Variants in ZEB1 observed in about 807,000 individuals in gnomAD.
ZEB1 encodes zinc finger E-box-binding homeobox 1.
In ZEB1, 21 loss-of-function variants were observed where a neutral mutation model predicts 84.9. The ratio of observed to expected loss-of-function variants is 0.25; its 90% CI spans 0.18 to 0.36. ZEB1 has a LOEUF of 0.36. ZEB1 is among the 10% of genes least tolerant of loss of function. ZEB1 has a pLI of 1.00. For synonymous variants in ZEB1, 420 were observed against 471.1 expected, an observed-to-expected ratio of 0.89 and a Z score of 1.41; for missense variants, 1,104 against 1,330.2, an observed-to-expected ratio of 0.83 and a Z score of 2.65.
At chr10:31,337,257 G>A (rs1590062722) in intron 1 of ZEB1, among the ~76,000 whole-genome samples, 2 of 151,910 alleles carry the variant, frequency 1.3e-5, no homozygotes, top group East Asian at 1.9e-4. Context: ...ATTGTTTAAG[G>A]ATACCAATAC....
In ZEB1 at chr10:31,405,648, T is replaced by C. The variant is rs72639507; in HGVS notation, c.59-55389T>C. 0.014 allele frequency among the ~76,000 whole-genome samples: 2,099 copies of C among 152,220 alleles called. 114 individuals carry two copies. In the East Asian group the frequency reaches 0.18, roughly 13 times the overall value. ...CAGTCCTGTCAGTTTACTAGTTTTA[T>C]TTGATAGCTATCTAATACGCACCTG... On this transcript the variant is annotated intron_variant, in intron 1 of 8. Transcript: ENST00000424869.
chr10:31,350,116 A>G lies in ZEB1; in HGVS notation c.58+30824A>G, dbSNP rs545162983. 9.4e-4 allele frequency among the ~76,000 whole-genome samples: 143 copies of G among 152,208 alleles called. 2 individuals carry two copies. Among genetic ancestry groups the G allele is most frequent in the African/African-American group, 3.4e-3 (140 of 41,522 alleles). On this transcript the variant is annotated intron_variant, in intron 1 of 8. Coordinates refer to ENST00000424869, the MANE Select transcript of ZEB1 (RefSeq NM_001174096.2). ...CGTAAATGATGTGAGATGAGGGTCT[A>G]ATTTCATTCTTCTGCATGGGGACAT...
chr10:31,379,441 CTG>C (rs916980004), intron 1 of ZEB1, among the ~76,000 whole-genome samples: 15 of 151,676 alleles, frequency 9.9e-5, no homozygotes, highest in Admixed American at 5.9e-4. Flanking sequence ...GTCTCTCTCT[CTG>C]TGTGTGTATA....
At chr10:31,377,410 T>TAA (rs1424931487) in intron 1 of ZEB1, among the ~76,000 whole-genome samples, 4 of 151,756 alleles carry the variant, frequency 2.6e-5, no homozygotes, top group African/African-American at 9.7e-5. Flanking sequence ...ATGAACCTGT[T>TAA]ACAATTATGA....
intron 7 of ZEB1, among the ~76,000 whole-genome samples, chr10:31,523,702 T>C (rs1013445919): frequency 9.9e-5 from 15 of 152,248 alleles, no homozygotes; most frequent in African/African-American, 3.6e-4. Flanking sequence ...GTCTTTGCTA[T>C]GGTTTTGACT....
intron 2 of ZEB1, among the ~76,000 whole-genome samples, chr10:31,470,459 A>G (rs1464900234): frequency 5.3e-5 from 8 of 151,298 alleles, no homozygotes; most frequent in East Asian, 1.9e-4. Context: ...AAGAAAGGGT[A>G]TCAGCGATGG....
At position 31,461,857 on chromosome 10, in the gene ZEB1, A is replaced by G. The variant is rs977746919; in HGVS notation, c.259+620A>G. Reference sequence around the variant, plus strand: ...GAAATTGGACCTAGTCTTTTATTCTAGCTCTAAAATTTCTTCTTTCTACTT... The same window carrying G: ...GAAATTGGACCTAGTCTTTTATTCTGGCTCTAAAATTTCTTCTTTCTACTT... On this transcript the variant is annotated intron_variant, in intron 2 of 8. Coordinates refer to ENST00000424869, the MANE Select transcript of ZEB1 (RefSeq NM_001174096.2). Among the ~76,000 whole-genome samples, 4 of 152,128 alleles carry G rather than the reference A, an allele frequency of 2.6e-5. No individual in the cohort carries two copies. The East Asian group carries it at 7.7e-4, about 29-fold the overall frequency.
intron 4 of ZEB1, among the ~76,000 whole-genome samples, chr10:31,508,785 G>C (rs2069434338): frequency 6.6e-6 from 1 of 152,140 alleles, no homozygotes; most frequent in Admixed American, 6.5e-5. Flanking sequence ...GGTTGCTCTT[G>C]GTGGCAGCAG....
intron 5 of ZEB1, among the ~76,000 whole-genome samples, chr10:31,514,105 G>T (rs2070626347): frequency 6.6e-6 from 1 of 151,978 alleles, no homozygotes. Flanking sequence ...GTACATTTTG[G>T]AAATATCAAA....
At position 31,391,373 on chromosome 10, in the gene ZEB1, C is replaced by T. The variant is rs77029261; in HGVS notation, c.59-69664C>T. 2.8e-3 allele frequency among the ~76,000 whole-genome samples: 423 copies of T among 151,706 alleles called. 2 individuals carry two copies. Among genetic ancestry groups the T allele is most frequent in the African/African-American group, 9.6e-3 (396 of 41,340 alleles). Reference sequence around the variant, plus strand: ...CCTGAAAGGTCTCAAATATAGCTTTCGGTATATATTTTTCTTCCTCACTCT... The same window carrying T: ...CCTGAAAGGTCTCAAATATAGCTTTTGGTATATATTTTTCTTCCTCACTCT... On this transcript the variant is annotated intron_variant, in intron 1 of 8. Coordinates refer to ENST00000424869, the MANE Select transcript of ZEB1 (RefSeq NM_001174096.2).
At chr10:31,385,919 A>G (rs2048561317) in intron 1 of ZEB1, among the ~76,000 whole-genome samples, 1 of 152,212 alleles carries the variant, frequency 6.6e-6, no homozygotes, top group Non-Finnish European at 1.5e-5. Flanking sequence ...ATAATAGTTT[A>G]AAAGTTAAAG....
intron 1 of ZEB1, among the ~76,000 whole-genome samples, chr10:31,460,367 A>ACTAATTTGG (rs2061675687): frequency 1.3e-5 from 2 of 152,124 alleles, no homozygotes; most frequent in African/African-American, 4.8e-5. Context: ...ATAGAAATTG[A>ACTAATTTGG]CTAATTTGGT....
At chr10:31,376,784 G>C (rs999238058) in intron 1 of ZEB1, among the ~76,000 whole-genome samples, 2 of 151,652 alleles carry the variant, frequency 1.3e-5, no homozygotes, top group Non-Finnish European at 3.0e-5. Context: ...CTAGCATATG[G>C]AAAGTGCATA....
intron 1 of ZEB1, among the ~76,000 whole-genome samples, chr10:31,452,742 T>TGTGTGAGAGAGAGAGAGAGA (rs1387786622): frequency 3.7e-4 from 34 of 90,800 alleles, no homozygotes; most frequent in African/African-American, 1.7e-3. Flanking sequence ...TGTGTGTGTG[T>TGTGTGAGAGAGAGAGAGAGA]GAGAGAGAGA....
chr10:31,426,614 A>G (rs2056958697), intron 1 of ZEB1, among the ~76,000 whole-genome samples: 1 of 152,138 alleles, frequency 6.6e-6, no homozygotes, highest in Non-Finnish European at 1.5e-5. Flanking sequence ...TTCCTAGTGC[A>G]CAAGCTAATC....
intron 1 of ZEB1, among the ~76,000 whole-genome samples, chr10:31,425,320 A>G (rs1335689870): frequency 1.3e-5 from 2 of 152,020 alleles, no homozygotes; most frequent in Non-Finnish European, 2.9e-5. Context: ...CACTGTTCTC[A>G]TGGATTCAGA....
intron 2 of ZEB1, among the ~76,000 whole-genome samples, chr10:31,469,364 G>A (rs979405470): frequency 1.4e-4 from 22 of 152,290 alleles, no homozygotes; most frequent in South Asian, 6.2e-4. Flanking sequence ...CGCACCATGC[G>A]TGAGCCGAAG....
chr10:31,338,428 G>A (rs2038666862), intron 1 of ZEB1, among the ~76,000 whole-genome samples: 1 of 152,278 alleles, frequency 6.6e-6, no homozygotes, highest in East Asian at 1.9e-4. Flanking sequence ...AGTGGAGCCT[G>A]TGTTCAAACC....
At position 31,506,587 on chromosome 10, in the gene ZEB1, C is replaced by T. The variant is rs557886404; in HGVS notation, c.484+4078C>T. ...GTTTATCTCATTATAGCTACTCCTG[C>T]TCACTATGGTTTCCATTTGCATGGA... is the stretch of plus-strand genomic sequence containing the variant. On this transcript the variant is annotated intron_variant, in intron 4 of 8. Transcript: ENST00000424869. Among the ~76,000 whole-genome samples, 7 of 152,178 alleles carry T rather than the reference C, an allele frequency of 4.6e-5. No individual in the cohort carries two copies. In the East Asian group the frequency reaches 9.6e-4, roughly 21 times the overall value.
Sources: allele counts gnomAD v4.1 joint callset (sites outside exome capture counted in the v4.1 genomes callset), GRCh38; gene constraint gnomAD v4.1.1; transcripts MANE v1.5; gene names NCBI Gene and HGNC (gene_info 2026-07-23, HGNC 2026-07-21).